Variants in PZP observed in about 807,000 individuals in gnomAD.
PZP encodes PZP alpha-2-macroglobulin like, also known as pregnancy zone protein.
A neutral mutation model predicts 179.8 loss-of-function variants in PZP; 150 were observed. The ratio of observed to expected loss-of-function variants is 0.83; its 90% CI spans 0.73 to 0.96. PZP has a LOEUF of 0.96. Among genes scored for constraint, PZP ranks in the 40% least tolerant of loss-of-function variants. The pLI, the probability that PZP is intolerant of heterozygous loss-of-function variation, is 0.00. For synonymous variants in PZP, 624 were observed against 652.3 expected, an observed-to-expected ratio of 0.96 and a Z score of 0.66; for missense variants, 1,689 against 1,764.0, an observed-to-expected ratio of 0.96 and a Z score of 0.76.
chr12:9,200,067 G>T (rs1944064073), intron 7 of PZP, among the ~76,000 whole-genome samples: 1 of 152,112 alleles, frequency 6.6e-6, no homozygotes, highest in South Asian at 2.1e-4. Flanking sequence ...TATTTTAGAG[G>T]TACATACTAC....
intron 13 of PZP, among the ~76,000 whole-genome samples, chr12:9,190,981 A>G (rs928689294): frequency 1.3e-5 from 2 of 152,150 alleles, no homozygotes; most frequent in African/African-American, 4.8e-5. Flanking sequence ...ATTAATAACT[A>G]TTAAAATATG....
intron 17 of PZP, among the ~76,000 whole-genome samples, chr12:9,167,885 T>G (rs1941704449): frequency 6.6e-6 from 1 of 152,210 alleles, no homozygotes; most frequent in Non-Finnish European, 1.5e-5. Context: ...CCCTTATTCT[T>G]TATTCTCGTT....
chr12:9,171,839 A>G (rs1197294142), intron 15 of PZP, among the ~76,000 whole-genome samples: 1 of 152,242 alleles, frequency 6.6e-6, no homozygotes, highest in Non-Finnish European at 1.5e-5. Flanking sequence ...ATATGGGATT[A>G]TGTAAAAAGA....
At chr12:9,196,981 A>G (rs1943813044) in intron 8 of PZP, 31 bp downstream of exon 8, 3 of 1,445,824 alleles carry the variant, frequency 2.1e-6, no homozygotes, top group Non-Finnish European at 2.9e-6. Flanking sequence ...GTAAACAGTG[A>G]TAGCACTGAG....
intron 7 of PZP, among the ~76,000 whole-genome samples, chr12:9,198,085 G>A (rs1436037669): frequency 1.3e-5 from 2 of 149,112 alleles, no homozygotes; most frequent in Non-Finnish European, 3.0e-5. Context: ...AGGTGCTTTG[G>A]CTCATGCCTG....
intron 13 of PZP, 63 bp downstream of exon 13, chr12:9,192,130 T>C: frequency 7.3e-7 from 1 of 1,378,956 alleles, no homozygotes; most frequent in East Asian, 2.3e-5. Flanking sequence ...TTATGAACTG[T>C]CACCGAGGGA....
In PZP at chr12:9,202,210, C is replaced by A. The variant is rs1397942894; in HGVS notation, c.480+109G>T. On this transcript the variant is annotated intron_variant, in intron 4 of 35. Coordinates refer to ENST00000261336, the MANE Select transcript of PZP (RefSeq NM_002864.3). ...TCTGTGCTGAGGCTGGAGCCAAGTT[C>A]AAAAACAAGTGTCTTTCATCCTCTC... is the stretch of plus-strand genomic sequence containing the variant. 65 of 1,043,656 alleles carry A rather than the reference C, an allele frequency of 6.2e-5. No individual in the cohort carries two copies. In the Admixed American group the frequency reaches 1.4e-3, roughly 22 times the overall value. 64.6% of individuals were successfully genotyped at this position (1,043,656 alleles called of 1,614,324 possible). A position where few individuals can be genotyped will look rare whatever the true frequency, so the allele number is the denominator to read the frequency against.
At chr12:9,197,850 ATAT>A (rs1943915361) in intron 7 of PZP, among the ~76,000 whole-genome samples, 1 of 116,414 alleles carries the variant, frequency 8.6e-6, no homozygotes, top group South Asian at 2.3e-4. Context: ...ATAATATATA[ATAT>A]TAATTATATA....
At chr12:9,162,205 TC>T (rs1941258441) in intron 22 of PZP, 1 of 161,810 alleles carries the variant, frequency 6.2e-6, no homozygotes. Context: ...CAAGTCATCC[TC>T]CCGCCTCAGC....
chr12:9,161,391 T>C (rs1467342206), intron 22 of PZP, among the ~76,000 whole-genome samples: 3 of 152,248 alleles, frequency 2.0e-5, no homozygotes, highest in African/African-American at 7.2e-5. Context: ...TTATATCTCC[T>C]TGTGGAACTC....
At position 9,197,079 on chromosome 12, in the gene PZP, A is replaced by C. The variant is rs770382001; in HGVS notation, c.800T>G (p.Leu267Arg). 4.3e-6 allele frequency: 7 copies of C among 1,613,712 alleles called. No homozygotes were observed. Among genetic ancestry groups the C allele is most frequent in the Non-Finnish European group, 5.9e-6 (7 of 1,179,752 alleles). ...AAGAACACGAGATAATTTTCTACAC[A>C]GGCTCACAGTTGCAAGTCCTGGGAC... The part of the protein sequence containing the change: ...KPVPGLATVS[L>R]CRKLSRVLNC... The change falls in exon 8 of 36, where the codon CTG becomes CGG. Residue 267 changes from leucine to arginine, a missense_variant. Around this residue, in one of 3 missense-constraint regions of PZP, gnomAD observed 742 missense variants for 730.5 expected, o/e 1.02. Coordinates refer to ENST00000261336, the MANE Select transcript of PZP (RefSeq NM_002864.3).
intron 25 of PZP, among the ~76,000 whole-genome samples, chr12:9,159,623 A>G (rs1941022624): frequency 6.6e-6 from 1 of 152,012 alleles, no homozygotes; most frequent in South Asian, 2.1e-4. Flanking sequence ...CCCAGTCTCT[A>G]CAAAGTAAAA....
chr12:9,202,497 C>T (rs1944222187), intron 3 of PZP, 28 bp downstream of exon 3: 2 of 1,613,206 alleles, frequency 1.2e-6, no homozygotes, highest in African/African-American at 1.3e-5. Context: ...CTCAGTGTTG[C>T]CCCAAACAGT....
At chr12:9,181,866 T>A in intron 14 of PZP, 109 bp downstream of exon 14, 1 of 1,243,026 alleles carries the variant, frequency 8.0e-7, no homozygotes, top group Non-Finnish European at 1.1e-6. Flanking sequence ...TTGGGAACTG[T>A]TGGGCAACTC....
At chr12:9,201,102 C>T (rs1339233338) in intron 5 of PZP, 42 bp from the exon 6 acceptor site, 4 of 1,606,176 alleles carry the variant, frequency 2.5e-6, no homozygotes, top group Non-Finnish European at 3.4e-6. Context: ...CATTTAGTCA[C>T]AATAGTCCTT....
At chr12:9,171,404 G>T (rs75256777) in intron 15 of PZP, among the ~76,000 whole-genome samples, 174 of 152,314 alleles carry the variant, frequency 1.1e-3, no homozygotes, top group African/African-American at 4.0e-3. Context: ...AGATGAGAAA[G>T]AATTAATTCA....
In PZP at chr12:9,171,423, G is replaced by A. The variant is rs138480837; in HGVS notation, c.1840-1832C>T. 6.9e-3 allele frequency among the ~76,000 whole-genome samples: 1,048 copies of A among 152,298 alleles called. 13 individuals are homozygous for A. Among genetic ancestry groups the A allele is most frequent in the African/African-American group, 0.024 (990 of 41,564 alleles). On this transcript the variant is annotated intron_variant, in intron 15 of 35. Transcript: ENST00000261336. ...GAGAAAGAATTAATTCAAAAACAAC[G>A]AAAACTCAAAATGCCAGAGTGTCTC... is the stretch of plus-strand genomic sequence containing the variant.
At chr12:9,148,472 A>G (rs1341670905), downstream of PZP, among the ~76,000 whole-genome samples, 3 of 152,016 alleles carry the variant, frequency 2.0e-5, no homozygotes, top group Non-Finnish European at 4.4e-5. Context: ...TTATTTTTTT[A>G]ATCCATATAA....
At position 9,196,698 on chromosome 12, in the gene PZP, C is replaced by G; in HGVS notation, c.868-13G>C. ...CATTGCTGTTAAGCTGAGAAAAATACCAAAACCAATAAATGTCAAACTGAT... is the reference window on the plus strand; with the variant it reads ...CATTGCTGTTAAGCTGAGAAAAATAGCAAAACCAATAAATGTCAAACTGAT... On this transcript the variant is annotated splice_polypyrimidine_tract_variant and intron_variant, in intron 8 of 35. Transcript: ENST00000261336. 1 of 1,551,144 alleles carries G rather than the reference C, an allele frequency of 6.4e-7. No homozygotes were observed. Among genetic ancestry groups the G allele is most frequent in the Non-Finnish European group, 8.9e-7 (1 of 1,122,984 alleles).
Sources: gnomAD v4.1 joint callset for allele counts (sites outside exome capture counted in the v4.1 genomes callset) on GRCh38, gnomAD v4.1.1 for gene constraint, gnomAD v4.1.1 regional missense constraint, MANE v1.5 for transcripts, NCBI Gene and HGNC (gene_info 2026-07-23, HGNC 2026-07-21) for gene names.